PGM3: variants seen among roughly 807,000 people sequenced by gnomAD.
The protein encoded by PGM3 is phosphoacetylglucosamine mutase.
In PGM3, 40 loss-of-function variants were observed where a neutral mutation model predicts 66.2. The observed-to-expected ratio is 0.60, with a 90% confidence interval of 0.47 to 0.79. The LOEUF is 0.79. PGM3 is among the 30% of genes least tolerant of loss of function. PGM3 has a pLI of 0.00. For synonymous variants in PGM3, 191 were observed against 224.2 expected (o/e 0.85, Z 1.32); for missense variants, 537 against 643.4 (o/e 0.83, Z 1.79).
At chr6:83,175,731 A>G (rs1787715262) in intron 9 of PGM3, among the ~76,000 whole-genome samples, 1 of 152,212 alleles carries the variant, frequency 6.6e-6, no homozygotes, top group South Asian at 2.1e-4. Context: ...ATTTTAAAAA[A>G]CTATTCAAAA....
At chr6:83,183,096 C>A in intron 4 of PGM3, 118 bp from the exon 5 acceptor site, 2 of 861,222 alleles carry the variant, frequency 2.3e-6, no homozygotes, top group South Asian at 3.9e-5. Context: ...TCTCAGACAT[C>A]TTAGAAAACA....
At chr6:83,181,264 A>G (rs1271340525) in intron 6 of PGM3, among the ~76,000 whole-genome samples, 1 of 152,344 alleles carries the variant, frequency 6.6e-6, no homozygotes, top group African/African-American at 2.4e-5. Flanking sequence ...AAGGTATCTA[A>G]TAATACTTAC....
intron 8 of PGM3, among the ~76,000 whole-genome samples, chr6:83,177,399 G>T (rs1472605139): frequency 6.6e-6 from 1 of 151,744 alleles, no homozygotes; most frequent in Non-Finnish European, 1.5e-5. Flanking sequence ...TGGACACCGG[G>T]GAAATAATTA....
rs1337399381 is a variant in PGM3, at chr6:83,167,211, G to GT, written c.*2022dup. ...TTTGTATATCCTGCCCAAGGGTGCC[G>GT]TAAGTATGGCAGAGCCAGCACACTA... On this transcript the variant is annotated 3_prime_UTR_variant, in exon 13 of 13. Transcript: ENST00000513973. 1.4e-5 allele frequency: 13 copies of GT among 914,840 alleles called. No individual in the cohort carries two copies. Among genetic ancestry groups the GT allele is most frequent in the East Asian group, 1.2e-4 (1 of 8,460 alleles). The allele number at this position is 914,840 out of a possible 1,614,324, so 56.7% of individuals were successfully genotyped here. A position where few individuals can be genotyped will look rare whatever the true frequency, so the allele number is the denominator to read the frequency against.
chr6:83,188,327 G>A (rs970156518), intron 3 of PGM3, among the ~76,000 whole-genome samples: 1 of 152,026 alleles, frequency 6.6e-6, no homozygotes, highest in African/African-American at 2.4e-5. Context: ...CTACAGAGGG[G>A]GTGGGAGACA....
At chr6:83,157,415 A>C (rs931749961), downstream of PGM3, 20 of 1,310,274 alleles carry the variant, frequency 1.5e-5, 1 homozygote, top group Admixed American at 7.7e-5. Flanking sequence ...ATTGGGAGAG[A>C]ACTGAGCTGT....
At chr6:83,192,835 G>C (rs1243984350) in intron 1 of PGM3, among the ~76,000 whole-genome samples, 2 of 152,124 alleles carry the variant, frequency 1.3e-5, no homozygotes, top group African/African-American at 2.4e-5. Flanking sequence ...AAAAAGTTAA[G>C]AGTATCCCCC....
rs747259498 is a variant in PGM3, at chr6:83,170,430, C to T, written c.1414G>A (p.Val472Ile). The T allele has an allele frequency of 6.2e-7, 1 of 1,614,082 alleles. No individual in the cohort carries two copies. Among genetic ancestry groups the T allele is most frequent in the South Asian group, 1.1e-5 (1 of 91,084 alleles). The change falls in exon 12 of 13, where the codon GTT becomes ATT. Residue 472 changes from valine (V) to isoleucine (I), a missense_variant. Coordinates refer to ENST00000513973, the MANE Select transcript of PGM3 (RefSeq NM_015599.3). ...GCCTCCTGTAATCCTGGGGGTGTAACTGCTTGTCTTTCAGCATCGGTAGTG... is the reference window on the plus strand; with the variant it reads ...GCCTCCTGTAATCCTGGGGGTGTAATTGCTTGTCTTTCAGCATCGGTAGTG... ...ISTTDAERQAVTPPGLQEAIN... is the reference protein window; with the variant it reads ...ISTTDAERQAITPPGLQEAIN...
chr6:83,168,206 A>G lies in PGM3; in HGVS notation c.*1028T>C. 6.4e-7 allele frequency: 1 copy of G among 1,572,102 alleles called. No individual in the cohort carries two copies. Among genetic ancestry groups the G allele is most frequent in the Non-Finnish European group, 8.6e-7 (1 of 1,163,390 alleles). The stretch of plus-strand genomic sequence containing the variant: ...TTCCATTTAGCTTACATGTAAATGT[A>G]ATTATTTAAAACACACACACTGCTC... On this transcript the variant is annotated 3_prime_UTR_variant, in exon 13 of 13. Transcript: ENST00000513973.
intron 11 of PGM3, among the ~76,000 whole-genome samples, chr6:83,171,519 TC>T (rs1787131131): frequency 6.6e-6 from 1 of 152,052 alleles, no homozygotes; most frequent in Non-Finnish European, 1.5e-5. Context: ...TGAGACGGAG[TC>T]TCGCTCTGTC....
At chr6:83,156,121 C>CTT in the PGM3 span, 4 of 1,592,114 alleles carry the variant, frequency 2.5e-6, no homozygotes, top group Non-Finnish European at 3.4e-6. Flanking sequence ...ATGAAAAACC[C>CTT]TTTATTTTTT....
Position 83,178,753 on chromosome 6 carries a change from CA to C in PGM3, c.948del (p.Ile316MetfsTer5). 2 of 1,538,382 alleles carry C rather than the reference CA, an allele frequency of 1.3e-6. No individual in the cohort carries two copies. The highest frequency in any genetic ancestry group is 1.8e-6 in the Non-Finnish European group (2 of 1,111,142). ...SSFLKELLVE[I>X]GESLNIGVVQ... is the part of the protein sequence containing the mutation. ...ACAACACCAATATTCAAACTTTCTCCAATCTAGACAAAAACAATGATACTTA... is the reference window on the plus strand; with the variant it reads ...ACAACACCAATATTCAAACTTTCTCCATCTAGACAAAAACAATGATACTTA... On this transcript the variant is annotated frameshift_variant and splice_region_variant, in exon 8 of 13. Coordinates refer to ENST00000513973, the MANE Select transcript of PGM3 (RefSeq NM_015599.3). LOFTEE classifies it high-confidence loss of function.
At position 83,168,556 on chromosome 6, in the gene PGM3, G is replaced by T; in HGVS notation, c.*678C>A. Reference sequence around the variant, plus strand: ...AACCATGTTCTGGTATCAGAATGGTGTTCCTTCTCCATCAGAGGCTGGGAA... The same window carrying T: ...AACCATGTTCTGGTATCAGAATGGTTTTCCTTCTCCATCAGAGGCTGGGAA... On this transcript the variant is annotated 3_prime_UTR_variant, in exon 13 of 13. Transcript: ENST00000513973. The T allele has an allele frequency of 1.0e-6, 1 of 999,660 alleles. No individual in the cohort carries two copies. The allele number at this position is 999,660 out of a possible 1,614,324, so 61.9% of individuals were successfully genotyped here. A position where few individuals can be genotyped will look rare whatever the true frequency, so the allele number is the denominator to read the frequency against.
downstream of PGM3, chr6:83,164,751 G>T: frequency 6.4e-7 from 1 of 1,555,438 alleles, no homozygotes; most frequent in Admixed American, 2.0e-5. Context: ...TTATGATATG[G>T]CAGCAAAAGT....
intron 3 of PGM3, among the ~76,000 whole-genome samples, chr6:83,187,554 C>T (rs910765820): frequency 6.6e-6 from 1 of 152,306 alleles, no homozygotes; most frequent in African/African-American, 2.4e-5. Context: ...TGGCTCACAC[C>T]TGTAATCCCA....
intron 11 of PGM3, chr6:83,170,886 C>G (rs1786948772): frequency 6.3e-6 from 1 of 159,934 alleles, no homozygotes; most frequent in African/African-American, 2.4e-5. Context: ...AATTGTCTTT[C>G]ACAAATTCTG....
At chr6:83,150,349 C>CA in the PGM3 span, among the ~76,000 whole-genome samples, 1 of 152,112 alleles carries the variant, frequency 6.6e-6, no homozygotes, top group South Asian at 2.1e-4. Context: ...CTAATTTCAT[C>CA]AAAAAATTAA....
downstream of PGM3, among the ~76,000 whole-genome samples, chr6:83,163,543 T>A (rs1784735844): frequency 6.6e-6 from 1 of 152,208 alleles, no homozygotes. Context: ...AAATAAAATA[T>A]ATATGCTAAA....
downstream of PGM3, chr6:83,158,675 T>C: frequency 8.2e-7 from 1 of 1,221,130 alleles, no homozygotes; most frequent in South Asian, 1.3e-5. Flanking sequence ...CCTGAAATTA[T>C]TCAGAATATT....
Sources: allele counts gnomAD v4.1 joint callset (sites outside exome capture counted in the v4.1 genomes callset), GRCh38; gene constraint gnomAD v4.1.1; transcripts MANE v1.5; gene names NCBI Gene and HGNC (gene_info 2026-07-23, HGNC 2026-07-21).